The following NKAIN2 variants were observed in gnomAD, a reference collection of about 807,000 sequenced individuals.
NKAIN2 encodes sodium/potassium transporting ATPase interacting 2.
A neutral mutation model predicts 32.6 loss-of-function variants in NKAIN2; 14 were observed. The observed-to-expected ratio is 0.43, with a 90% CI of 0.28 to 0.67. The LOEUF is 0.67. Ranked by LOEUF, NKAIN2 falls within the 30% of genes least tolerant of loss-of-function variation. The pLI is 0.17. For missense variants in NKAIN2, 198 were observed against 258.3 expected (o/e 0.77, Z 1.60); for synonymous variants, 80 against 87.2 (o/e 0.92, Z 0.46).
At chr6:124,596,857 G>A (rs1053968688) in intron 3 of NKAIN2, among the ~76,000 whole-genome samples, 1 of 152,100 alleles carries the variant, frequency 6.6e-6, no homozygotes, top group Admixed American at 6.6e-5. Context: ...GAGAGCCAAT[G>A]GTAGAGTTCC....
intron 1 of NKAIN2, among the ~76,000 whole-genome samples, chr6:124,019,854 C>G (rs1167702679): frequency 6.6e-6 from 1 of 152,026 alleles, no homozygotes; most frequent in African/African-American, 2.4e-5. Flanking sequence ...TCCATTATAA[C>G]TAAACACTTA....
intron 3 of NKAIN2, among the ~76,000 whole-genome samples, chr6:124,563,352 G>A (rs1005594982): frequency 6.6e-6 from 1 of 152,120 alleles, no homozygotes; most frequent in Non-Finnish European, 1.5e-5. Context: ...TAAAACAATC[G>A]TAGCACTAAT....
intron 1 of NKAIN2, among the ~76,000 whole-genome samples, chr6:123,907,020 G>A (rs1774913632): frequency 1.3e-5 from 2 of 152,180 alleles, no homozygotes; most frequent in African/African-American, 4.8e-5. Context: ...TGCTAGTGGA[G>A]CTAGAGGCCT....
chr6:124,283,178 A>G, intron 2 of NKAIN2, 36 bp downstream of exon 2: 6 of 1,504,944 alleles, frequency 4.0e-6, no homozygotes, highest in Non-Finnish European at 4.6e-6. Context: ...AATCTTATTG[A>G]ACTAGAGAAT....
intron 1 of NKAIN2, among the ~76,000 whole-genome samples, chr6:123,893,461 C>T (rs1275133303): frequency 6.6e-6 from 1 of 152,150 alleles, no homozygotes; most frequent in African/African-American, 2.4e-5. Context: ...TCATCCTTGC[C>T]CTCCTATAAT....
intron 1 of NKAIN2, among the ~76,000 whole-genome samples, chr6:124,110,890 A>G (rs1414289564): frequency 6.6e-6 from 1 of 151,814 alleles, no homozygotes; most frequent in East Asian, 1.9e-4. Flanking sequence ...ACAATCATTT[A>G]TTTTCCTTTG....
intron 4 of NKAIN2, among the ~76,000 whole-genome samples, chr6:124,777,969 ACACAC>A (rs1326573607): frequency 6.6e-6 from 1 of 151,722 alleles, no homozygotes; most frequent in African/African-American, 2.4e-5. Context: ...ACACACACAC[ACACAC>A]AAACACACAC....
chr6:124,629,904 A>G (rs1171943548), intron 3 of NKAIN2, among the ~76,000 whole-genome samples: 1 of 152,084 alleles, frequency 6.6e-6, no homozygotes, highest in Admixed American at 6.6e-5. Context: ...GTTGTTGAAT[A>G]TATTTAGACT....
At chr6:124,164,630 C>G (rs1019857549) in intron 1 of NKAIN2, among the ~76,000 whole-genome samples, 2 of 151,942 alleles carry the variant, frequency 1.3e-5, no homozygotes, top group Non-Finnish European at 2.9e-5. Context: ...AAGAGTAAAT[C>G]TTTTTTTCTT....
At chr6:123,897,954 A>G (rs1477294704) in intron 1 of NKAIN2, among the ~76,000 whole-genome samples, 1 of 152,230 alleles carries the variant, frequency 6.6e-6, no homozygotes, top group Non-Finnish European at 1.5e-5. Context: ...TGCATGTCCC[A>G]TTGAGGCTTC....
At chr6:124,129,481 A>G (rs756311380) in intron 1 of NKAIN2, among the ~76,000 whole-genome samples, 3 of 152,200 alleles carry the variant, frequency 2.0e-5, no homozygotes, top group Non-Finnish European at 2.9e-5. Flanking sequence ...CACAAAGGAC[A>G]TCAATGTTTC....
chr6:124,726,366 C>T (rs897621595), intron 4 of NKAIN2, among the ~76,000 whole-genome samples: 12 of 152,330 alleles, frequency 7.9e-5, no homozygotes, highest in East Asian at 3.9e-4. Flanking sequence ...GATCTGAGAA[C>T]GGGCAGACTG....
intron 1 of NKAIN2, among the ~76,000 whole-genome samples, chr6:123,991,448 C>T (rs1414832874): frequency 6.9e-6 from 1 of 145,350 alleles, no homozygotes; most frequent in Non-Finnish European, 1.5e-5. Flanking sequence ...CTGAGTAGGA[C>T]AATTATAAAA....
chr6:124,815,976 A>G (rs1781144908), intron 5 of NKAIN2, among the ~76,000 whole-genome samples: 1 of 152,218 alleles, frequency 6.6e-6, no homozygotes, highest in Non-Finnish European at 1.5e-5. Context: ...AAGGTCACAT[A>G]GCTGGCAAAG....
At chr6:124,336,667 T>A (rs1159091187) in intron 2 of NKAIN2, among the ~76,000 whole-genome samples, 2 of 145,504 alleles carry the variant, frequency 1.4e-5, no homozygotes, top group East Asian at 3.9e-4. Flanking sequence ...TGAAATAGTT[T>A]GTTTTTTTTT....
intron 1 of NKAIN2, among the ~76,000 whole-genome samples, chr6:123,911,810 T>TACACACAC: frequency 1.1e-5 from 1 of 94,296 alleles, no homozygotes; most frequent in Non-Finnish European, 2.0e-5. Flanking sequence ...TGTATATATA[T>TACACACAC]ATACACACAC....
chr6:124,703,942 T>C (rs1446423411), intron 4 of NKAIN2, among the ~76,000 whole-genome samples: 1 of 152,006 alleles, frequency 6.6e-6, no homozygotes, highest in African/African-American at 2.4e-5. Context: ...CTGAAATGTA[T>C]GTCTCTAGAA....
chr6:124,121,798 C>A (rs1339950423), intron 1 of NKAIN2: 4 of 294,770 alleles, frequency 1.4e-5, no homozygotes, highest in South Asian at 4.8e-5. Context: ...AAGTTCCAAG[C>A]CTTGTTGAAT....
chr6:123,974,395 G>T (rs1481916857), intron 1 of NKAIN2, among the ~76,000 whole-genome samples: 1 of 152,130 alleles, frequency 6.6e-6, no homozygotes, highest in South Asian at 2.1e-4. Context: ...ATTAAACTAT[G>T]TATGTTCCAG....
Sources: allele counts gnomAD v4.1 joint callset (sites outside exome capture counted in the v4.1 genomes callset), GRCh38; gene constraint gnomAD v4.1.1; transcripts MANE v1.5; gene names NCBI Gene and HGNC (gene_info 2026-07-23, HGNC 2026-07-21).